MICAL2: variants seen among roughly 807,000 people sequenced by gnomAD.
MICAL2 encodes microtubule associated monooxygenase, calponin and LIM domain containing 2.
MICAL2 carries 77 observed loss-of-function variants against 127.3 expected under a neutral mutation model. The observed-to-expected ratio is 0.60, with a 90% CI of 0.50 to 0.73. MICAL2 has a LOEUF of 0.73. MICAL2 is among the 30% of genes least tolerant of loss of function. The probability of loss-of-function intolerance (pLI) is 0.00; values close to 1 mark genes in which losing one functional copy is unlikely to be tolerated. For missense variants in MICAL2, 1,351 were observed against 1,434.4 expected, an observed-to-expected ratio of 0.94 and a Z score of 0.94; for synonymous variants, 570 against 551.1, an observed-to-expected ratio of 1.03 and a Z score of -0.48.
intron 6 of MICAL2, among the ~76,000 whole-genome samples, chr11:12,209,906 A>G (rs1477379460): frequency 2.6e-5 from 4 of 152,152 alleles, no homozygotes. Context: ...AATGCTTTAT[A>G]AAGATAAAGT....
chr11:12,198,194 C>T (rs2134077152), intron 3 of MICAL2, among the ~76,000 whole-genome samples: 1 of 152,268 alleles, frequency 6.6e-6, no homozygotes, highest in African/African-American at 2.4e-5. Flanking sequence ...GTTCTGTTAC[C>T]ACGGCTATGT....
intron 2 of MICAL2, among the ~76,000 whole-genome samples, chr11:12,282,111 G>A (rs905400030): frequency 2.0e-5 from 3 of 152,212 alleles, no homozygotes; most frequent in African/African-American, 4.8e-5. Context: ...GAGGGCTGGG[G>A]CGGAAAGAAC....
intron 22 of MICAL2, among the ~76,000 whole-genome samples, chr11:12,251,801 C>T (rs1332931239): frequency 6.6e-6 from 1 of 152,126 alleles, no homozygotes; most frequent in East Asian, 1.9e-4. Context: ...AGCAACCTCG[C>T]AGCCCTCTGC....
At chr11:12,165,333 C>G (rs1257636930) in intron 3 of MICAL2, among the ~76,000 whole-genome samples, 4 of 152,164 alleles carry the variant, frequency 2.6e-5, no homozygotes, top group Non-Finnish European at 5.9e-5. Flanking sequence ...AGTCAAAACA[C>G]AGAACAGGGG....
upstream of MICAL2, among the ~76,000 whole-genome samples, chr11:12,271,588 G>A (rs547449074): frequency 3.3e-5 from 5 of 152,324 alleles, no homozygotes; most frequent in African/African-American, 1.2e-4. Context: ...GGGCTGTTGG[G>A]ATGCTAGGGT....
intron 1 of MICAL2, among the ~76,000 whole-genome samples, chr11:12,119,636 G>A (rs1016509668): frequency 3.3e-5 from 5 of 152,250 alleles, no homozygotes; most frequent in East Asian, 3.9e-4. Flanking sequence ...GTTGAGGCCC[G>A]CCCTCATAGG....
At chr11:12,262,112 T>C (rs1162270004) in intron 26 of MICAL2, 4 of 1,144,236 alleles carry the variant, frequency 3.5e-6, no homozygotes, top group Non-Finnish European at 4.3e-6. Context: ...TCTGAGATGT[T>C]GAACCTTTCT....
At chr11:12,262,907 A>G (rs1472694933) in intron 27 of MICAL2, 1 of 194,154 alleles carries the variant, frequency 5.2e-6, no homozygotes, top group Admixed American at 5.4e-5. Context: ...CACCTTTGAA[A>G]AGAACACTTT....
At chr11:12,121,963 T>C (rs901000820) in intron 1 of MICAL2, among the ~76,000 whole-genome samples, 1 of 152,224 alleles carries the variant, frequency 6.6e-6, no homozygotes, top group Non-Finnish European at 1.5e-5. Context: ...CTTTCTTTTT[T>C]CTCCTAGGAT....
At chr11:12,303,530 A>G (rs867544063) in intron 29 of MICAL2, 2 of 152,260 alleles carry the variant, frequency 1.3e-5, no homozygotes, top group South Asian at 4.1e-4. Context: ...GAGACATACT[A>G]TATGTGTAAA....
intron 32 of MICAL2, among the ~76,000 whole-genome samples, chr11:12,330,604 C>T (rs1183123823): frequency 2.0e-5 from 3 of 152,056 alleles, no homozygotes; most frequent in Admixed American, 2.0e-4. Flanking sequence ...CAAAATGAGG[C>T]TTTGATGAGC....
downstream of MICAL2, chr11:12,293,515 T>A: frequency 6.5e-7 from 1 of 1,529,836 alleles, no homozygotes; most frequent in Non-Finnish European, 8.8e-7. Flanking sequence ...TATAAATAAA[T>A]GATGAAAATT....
chr11:12,229,136 T>C (rs971130978), intron 15 of MICAL2, among the ~76,000 whole-genome samples: 1 of 152,166 alleles, frequency 6.6e-6, no homozygotes, highest in African/African-American at 2.4e-5. Flanking sequence ...CTGGGCTGTG[T>C]GAGCAGTGGT....
chr11:12,156,526 TG>T (rs1179434418), intron 2 of MICAL2, among the ~76,000 whole-genome samples: 1 of 152,200 alleles, frequency 6.6e-6, no homozygotes, highest in Non-Finnish European at 1.5e-5. Flanking sequence ...GAGGCCAGGC[TG>T]GGGACACCTG....
chr11:12,123,943 C>G (rs372711946), intron 1 of MICAL2, among the ~76,000 whole-genome samples: 1 of 152,144 alleles, frequency 6.6e-6, no homozygotes, highest in African/African-American at 2.4e-5. Flanking sequence ...CCTCCAGTTC[C>G]GGACATTCTG....
In MICAL2 at chr11:12,259,810, C is replaced by A; in HGVS notation, c.3247C>A (p.Gln1083Lys). 6.4e-7 allele frequency: 1 copy of A among 1,551,988 alleles called. No individual in the cohort carries two copies. The highest frequency in any genetic ancestry group is 8.7e-7 in the Non-Finnish European group (1 of 1,146,780). The change falls in exon 26 of 28, where the codon CAA (glutamine) becomes AAA (lysine). Residue 1083 changes from glutamine to lysine, a missense_variant. Gln to Lys is a moderately conservative substitution (Grantham distance 53, BLOSUM62 1). Transcript: ENST00000683283. ...KQQREEEATW[Q>K]EQEAPRRDTP... is the part of the protein sequence containing the mutation. ...TCTTTCTCAGGAGGAGGCAACATGG[C>A]AAGAGCAGGAAGCCCCTCGGAGAGA...
chr11:12,286,704 A>G (rs925364660), intron 2 of MICAL2, among the ~76,000 whole-genome samples: 10 of 152,104 alleles, frequency 6.6e-5, no homozygotes, highest in African/African-American at 2.4e-4. Context: ...CCCTGTCTCT[A>G]TAAAAAATAA....
rs527823894 is a variant in MICAL2, at chr11:12,163,252, G to A, written c.264+833G>A. 5.9e-5 allele frequency among the ~76,000 whole-genome samples: 9 copies of A among 152,320 alleles called. No homozygotes were observed. In the East Asian group the frequency reaches 7.7e-4, roughly 13 times the overall value. On this transcript the variant is annotated intron_variant, in intron 3 of 27. Coordinates refer to ENST00000683283, the MANE Select transcript of MICAL2 (RefSeq NM_001282663.2). ...CAGATGGGCAGGTGGGAGTCCAGGC[G>A]TCTCAGCTGACTTCCCTGGTGGCCG...
intron 13 of MICAL2, 73 bp downstream of exon 13, chr11:12,224,893 A>G (rs889631079): frequency 1.3e-6 from 2 of 1,510,516 alleles, no homozygotes; most frequent in Non-Finnish European, 1.8e-6. Flanking sequence ...CAGAATCTTC[A>G]TTACTTGGTT....
Sources: gnomAD v4.1 joint callset for allele counts (sites outside exome capture counted in the v4.1 genomes callset) on GRCh38, gnomAD v4.1.1 for gene constraint, MANE v1.5 for transcripts, NCBI Gene and HGNC (gene_info 2026-07-23, HGNC 2026-07-21) for gene names.